Variants in ROR1 observed in about 807,000 individuals in gnomAD.
ROR1 encodes the protein inactive tyrosine-protein kinase transmembrane receptor ROR1.
A neutral mutation model predicts 78.8 loss-of-function variants in ROR1; 19 were observed. The observed-to-expected ratio is 0.24, with a 90% CI of 0.17 to 0.35. The LOEUF is 0.35. ROR1 is among the 10% of genes least tolerant of loss of function. The pLI is 1.00. For synonymous variants in ROR1, 386 were observed against 433.6 expected (o/e 0.89, Z 1.36); for missense variants, 917 against 1,177.8 (o/e 0.78, Z 3.24).
intron 1 of ROR1, among the ~76,000 whole-genome samples, chr1:63,967,503 G>A (rs570715092): frequency 6.6e-6 from 1 of 152,192 alleles, no homozygotes; most frequent in African/African-American, 2.4e-5. Flanking sequence ...TGGGACTACA[G>A]GTGCATGCCA....
At chr1:63,960,168 CGTT>C (rs1024539903) in intron 1 of ROR1, among the ~76,000 whole-genome samples, 77 of 152,262 alleles carry the variant, frequency 5.1e-4, no homozygotes, top group African/African-American at 1.7e-3. Context: ...CTAAAAGAAA[CGTT>C]GTTACTCATT....
At chr1:64,159,519 T>A (rs1186090877) in intron 8 of ROR1, among the ~76,000 whole-genome samples, 2 of 152,152 alleles carry the variant, frequency 1.3e-5, no homozygotes, top group Non-Finnish European at 2.9e-5. Context: ...AAGAGGAAAT[T>A]TCATACTTTT....
intron 2 of ROR1, among the ~76,000 whole-genome samples, chr1:64,047,496 A>G (rs1646793539): frequency 6.6e-6 from 1 of 152,198 alleles, no homozygotes; most frequent in Non-Finnish European, 1.5e-5. Flanking sequence ...CCTGAATTCA[A>G]ACCCAGCCAA....
At chr1:64,148,611 G>A (rs1015180523) in intron 7 of ROR1, among the ~76,000 whole-genome samples, 6 of 152,164 alleles carry the variant, frequency 3.9e-5, no homozygotes, top group African/African-American at 7.2e-5. Context: ...AAATGTGAAC[G>A]TTTGTTGTAC....
intron 1 of ROR1, among the ~76,000 whole-genome samples, chr1:63,969,619 T>G (rs769401468): frequency 2.6e-5 from 4 of 152,056 alleles, no homozygotes; most frequent in Non-Finnish European, 4.4e-5. Flanking sequence ...ATGGCCCCAT[T>G]GTCCATCCAG....
chr1:64,058,840 T>C (rs1646894870), intron 4 of ROR1, among the ~76,000 whole-genome samples: 1 of 152,160 alleles, frequency 6.6e-6, no homozygotes, highest in Non-Finnish European at 1.5e-5. Flanking sequence ...AAGGGTAATA[T>C]TGGCCTCAGA....
intron 1 of ROR1, among the ~76,000 whole-genome samples, chr1:63,934,492 C>A (rs1645778570): frequency 6.6e-6 from 1 of 152,172 alleles, no homozygotes; most frequent in Non-Finnish European, 1.5e-5. Flanking sequence ...TAGGTGCTAT[C>A]ATTGACACAA....
At chr1:63,996,937 G>A (rs976738560) in intron 1 of ROR1, among the ~76,000 whole-genome samples, 15 of 152,152 alleles carry the variant, frequency 9.9e-5, no homozygotes, top group Non-Finnish European at 1.9e-4. Context: ...AGTCCAACCA[G>A]GGTATGATTA....
At chr1:63,925,210 G>A (rs2100435483) in intron 1 of ROR1, among the ~76,000 whole-genome samples, 1 of 134,432 alleles carries the variant, frequency 7.4e-6, no homozygotes, top group South Asian at 2.3e-4. Context: ...TCCCCTTCCT[G>A]TGTCCATGTG....
chr1:64,144,907 A>G (rs1649434263), intron 7 of ROR1, among the ~76,000 whole-genome samples: 2 of 152,188 alleles, frequency 1.3e-5, no homozygotes, highest in African/African-American at 4.8e-5. Context: ...CCAGGTCTTC[A>G]ATGAAATAGC....
rs1456631270 is a variant in ROR1, at chr1:64,140,275, G to C, written c.777G>C (p.Leu259=). 8 of 1,614,146 alleles carry C rather than the reference G, an allele frequency of 5.0e-6. No individual in the cohort carries two copies. The highest frequency in any genetic ancestry group is 1.7e-5 in the Admixed American group (1 of 60,020). Residue 259 remains leucine, a synonymous_variant, in exon 6 of 9, where the codon CTG becomes CTC. Transcript: ENST00000371079. ...AATGTGAAATCCTGGAGAATGTCCT[G>C]TGTCAAACAGAGTACATTTTTGCAA... is the stretch of plus-strand genomic sequence containing the variant. ...RDECEILENV[L]CQTEYIFARS...
chr1:64,163,969 C>G (rs923019317), intron 8 of ROR1, among the ~76,000 whole-genome samples: 2 of 152,156 alleles, frequency 1.3e-5, no homozygotes, highest in African/African-American at 4.8e-5. Context: ...ATCCAGTGAC[C>G]TTTGCCAAGT....
At chr1:63,909,604 C>T (rs1427135111) in intron 1 of ROR1, among the ~76,000 whole-genome samples, 1 of 152,186 alleles carries the variant, frequency 6.6e-6, no homozygotes, top group Non-Finnish European at 1.5e-5. Flanking sequence ...CATCCAGTCT[C>T]TTCCTCCAGC....
intron 1 of ROR1, among the ~76,000 whole-genome samples, chr1:63,983,253 AG>A (rs36055983): frequency 0.019 from 2,926 of 152,296 alleles, 51 homozygotes; most frequent in Admixed American, 0.027. Context: ...CGGAAGACTC[AG>A]TGTGATCATC....
At chr1:63,931,003 G>T (rs956977010) in intron 1 of ROR1, among the ~76,000 whole-genome samples, 1 of 152,184 alleles carries the variant, frequency 6.6e-6, no homozygotes, top group Non-Finnish European at 1.5e-5. Flanking sequence ...AAGGCCGGAT[G>T]CAGTGGCTCA....
At chr1:63,842,918 A>G (rs1225375862) in intron 1 of ROR1, among the ~76,000 whole-genome samples, 3 of 152,024 alleles carry the variant, frequency 2.0e-5, no homozygotes, top group Non-Finnish European at 4.4e-5. Flanking sequence ...GCCCCTCTCC[A>G]CAACTGGGGT....
intron 4 of ROR1, among the ~76,000 whole-genome samples, chr1:64,059,529 T>G (rs1646900294): frequency 6.6e-6 from 1 of 152,000 alleles, no homozygotes; most frequent in Non-Finnish European, 1.5e-5. Context: ...ACCAACATGG[T>G]GAAACCCTGT....
chr1:64,056,676 C>CAAA (rs373734444), intron 4 of ROR1, among the ~76,000 whole-genome samples: 1 of 127,294 alleles, frequency 7.9e-6, no homozygotes, highest in Non-Finnish European at 1.7e-5. Context: ...ACTCTATCTC[C>CAAA]AAAAAAAAAA....
chr1:64,049,474 T>C (rs891899529), intron 2 of ROR1, among the ~76,000 whole-genome samples: 3 of 152,162 alleles, frequency 2.0e-5, no homozygotes, highest in African/African-American at 7.2e-5. Flanking sequence ...ATACTCTGAT[T>C]AGTGACAAAT....
Sources: allele counts gnomAD v4.1 joint callset (sites outside exome capture counted in the v4.1 genomes callset), GRCh38; gene constraint gnomAD v4.1.1; transcripts MANE v1.5; gene names NCBI Gene and HGNC (gene_info 2026-07-23, HGNC 2026-07-21).